Variants in CCDC88B observed in about 807,000 individuals in gnomAD.
The protein encoded by CCDC88B is coiled-coil domain-containing protein 88B.
A neutral mutation model predicts 183.7 loss-of-function variants in CCDC88B; 138 were observed. The ratio of observed to expected loss-of-function variants is 0.75; its 90% confidence interval spans 0.65 to 0.87. The LOEUF (loss-of-function observed/expected upper bound fraction) is 0.87, where lower values mean the gene tolerates loss of function less well. Among genes scored for constraint, CCDC88B ranks in the 40% least tolerant of loss-of-function variants. CCDC88B has a pLI of 0.00. For synonymous variants in CCDC88B, 835 were observed against 867.5 expected, an observed-to-expected ratio of 0.96 and a Z score of 0.66; for missense variants, 1,822 against 1,965.6, an observed-to-expected ratio of 0.93 and a Z score of 1.38.
chr11:64,355,235 C>T lies in CCDC88B; in HGVS notation c.4141C>T (p.Leu1381Phe). ...ACCCATGCGCCGGGCCCAGAGCTCC[C>T]TCTGCCTGCGGGATGAGACCTTGGC... ...PAPMRRAQSS[L>F]CLRDETLAGG... The change falls in exon 25 of 27, where the codon CTC (leucine) becomes TTC (phenylalanine). Residue 1381 changes from leucine to phenylalanine, a missense_variant. By Grantham distance (22) the Leu-to-Phe change is conservative. Transcript: ENST00000356786. 1 of 1,527,452 alleles carries T rather than the reference C, an allele frequency of 6.5e-7. No homozygotes were observed. The highest frequency in any genetic ancestry group is 1.3e-5 in the South Asian group (1 of 76,226). 94.6% of individuals were successfully genotyped at this position (1,527,452 alleles called of 1,614,324 possible).
At position 64,355,372 on chromosome 11, in the gene CCDC88B, C is replaced by T. The variant is rs755866778; in HGVS notation, c.4278C>T (p.Pro1426=). 1 of 1,591,140 alleles carries T rather than the reference C, an allele frequency of 6.3e-7. No homozygotes were observed. Among genetic ancestry groups the T allele is most frequent in the Non-Finnish European group, 8.6e-7 (1 of 1,169,230 alleles). ...GATTCCGACAGCGCCATCCAGGCCC[C>T]CTGGGGGCGCCCGTCTCCCACAGCA... The part of the protein sequence containing the change: ...RQRFRQRHPG[P]LGAPVSHSKG... Residue 1426 remains proline, a synonymous_variant, in exon 25 of 27, where the codon CCC becomes CCT. Transcript: ENST00000356786.
intron 14 of CCDC88B, among the ~76,000 whole-genome samples, chr11:64,345,375 C>T (rs1466698362): frequency 6.6e-6 from 1 of 152,136 alleles, no homozygotes; most frequent in Non-Finnish European, 1.5e-5. Flanking sequence ...GGGGGTGGGA[C>T]TGCCTAGTAC....
Position 64,357,047 on chromosome 11 carries a change from G to C in CCDC88B, c.4384G>C (p.Val1462Leu), listed in dbSNP as rs766686824. 3.1e-6 allele frequency: 5 copies of C among 1,596,294 alleles called. No individual in the cohort carries two copies. The highest frequency in any genetic ancestry group is 1.1e-5 in the South Asian group (1 of 88,914). Residue 1462 changes from valine (V) to leucine (L), a missense_variant, in exon 27 of 27, where the codon GTA becomes CTA. By Grantham distance (32) the Val-to-Leu change is conservative. Coordinates refer to ENST00000356786, the MANE Select transcript of CCDC88B (RefSeq NM_032251.6). Reference sequence around the variant, plus strand: ...TGAGCCTTTCCCTCTAGGCCCTGAGGTACAGGAACCGGAGAAACGTCCCCT... The same window carrying C: ...TGAGCCTTTCCCTCTAGGCCCTGAGCTACAGGAACCGGAGAAACGTCCCCT... Reference protein sequence around the residue: ...ETDANREGPEVQEPEKRPLTP... With the variant: ...ETDANREGPELQEPEKRPLTP...
At chr11:64,353,907 C>G in intron 23 of CCDC88B, 94 bp downstream of exon 23, 4 of 1,579,304 alleles carry the variant, frequency 2.5e-6, no homozygotes, top group Non-Finnish European at 3.5e-6. Flanking sequence ...AGGTCCAGGC[C>G]CCATGAAGGT....
Position 64,353,627 on chromosome 11 carries a change from C to G in CCDC88B, c.3834-88C>G, listed in dbSNP as rs1004245903. ...GGTCAGTCCAATCTGCGGCACGGGA[C>G]CAGTGCGTCCTCGCTGCAGCTTGTG... On this transcript the variant is annotated intron_variant, in intron 22 of 26. Transcript: ENST00000356786. The G allele has an allele frequency of 3.2e-6, 5 of 1,579,780 alleles. No homozygotes were observed. The African/African-American group carries it at 5.4e-5, about 17-fold the overall frequency.
At position 64,341,003 on chromosome 11, in the gene CCDC88B, G is replaced by A. The variant is rs757974296; in HGVS notation, c.303G>A (p.Leu101=). 1.2e-6 allele frequency: 2 copies of A among 1,610,270 alleles called. No homozygotes were observed. Among genetic ancestry groups the A allele is most frequent in the South Asian group, 2.2e-5 (2 of 90,640 alleles). The change falls in exon 3 of 27, where the codon CTG becomes CTA. Residue 101 remains leucine (L), a synonymous_variant. Coordinates refer to ENST00000356786, the MANE Select transcript of CCDC88B (RefSeq NM_032251.6). ...ACCTGAACCACCTGTGGGGCCGACT[G>A]AGGGACTTCTACCAGGTAAGGGGTC... ...VWNLNHLWGR[L]RDFYQEELQL...
At chr11:64,343,648 G>C (rs763109851) in intron 12 of CCDC88B, 33 bp downstream of exon 12, 1 of 1,548,734 alleles carries the variant, frequency 6.5e-7, no homozygotes, top group Non-Finnish European at 8.7e-7. Context: ...CTGGGGTGGG[G>C]GCTTCCTATG....
rs982440467 is a variant in CCDC88B, at chr11:64,351,551, C to G, written c.3034C>G (p.Gln1012Glu). The change falls in exon 18 of 27, where the codon CAG becomes GAG. Residue 1012 changes from glutamine to glutamate, a missense_variant. Transcript: ENST00000356786. ...QHLEGQLGSL[Q>E]GRAQELLLQS... Reference sequence around the variant, plus strand: ...CCTGGAGGGGCAGCTGGGGAGCCTGCAGGGCCGTGCCCAGGAGCTGCTGCT... The same window carrying G: ...CCTGGAGGGGCAGCTGGGGAGCCTGGAGGGCCGTGCCCAGGAGCTGCTGCT... The G allele has an allele frequency of 1.3e-6, 2 of 1,567,902 alleles. No individual in the cohort carries two copies. The highest frequency in any genetic ancestry group is 1.8e-5 in the Admixed American group (1 of 55,552).
rs1439840242 is a variant in CCDC88B, at chr11:64,344,285, C to A, written c.1744C>A (p.Pro582Thr). The A allele has an allele frequency of 6.2e-7, 1 of 1,613,766 alleles. No individual in the cohort carries two copies. The highest frequency in any genetic ancestry group is 1.3e-5 in the African/African-American group (1 of 75,054). Residue 582 changes from proline to threonine, a missense_variant, in exon 14 of 27, where the codon CCT becomes ACT. Transcript: ENST00000356786. This position sits in a 1 kb window ranked among gnomAD's most constrained non-coding sequence, Gnocchi z 4.5. ...CTGGTCCCCGCAAGAGTCAGGCTCT[C>A]CTGTGGAGACACAGGAGTCCCCGGA... Reference protein sequence around the residue: ...SDWSPQESGSPVETQESPEKA... With the variant: ...SDWSPQESGSTVETQESPEKA...
intron 24 of CCDC88B, among the ~76,000 whole-genome samples, chr11:64,354,389 G>A (rs979761219): frequency 6.6e-6 from 1 of 152,046 alleles, no homozygotes; most frequent in East Asian, 1.9e-4. Context: ...CCCCGACCCA[G>A]CCTGCCCCAT....
In CCDC88B at chr11:64,352,859, C is replaced by T. The variant is rs776621970; in HGVS notation, c.3472C>T (p.Leu1158=). 15 of 1,607,048 alleles carry T rather than the reference C, an allele frequency of 9.3e-6. 1 individual carries two copies. The highest frequency in any genetic ancestry group is 4.4e-5 in the South Asian group (4 of 90,368). The stretch of plus-strand genomic sequence containing the variant: ...TCGGCAGCGGGGCCTGGAGGAGGAG[C>T]TGCGGAGGCTTCAGAGCGAGCACGA... ...GHRQRGLEEE[L]RRLQSEHDRA... Residue 1158 remains leucine (L), a synonymous_variant, in exon 20 of 27, where the codon CTG becomes TTG. Transcript: ENST00000356786.
In CCDC88B at chr11:64,349,587, G is replaced by A. The variant is rs921679917; in HGVS notation, c.2781G>A (p.Leu927=). The A allele has an allele frequency of 5.6e-6, 9 of 1,600,818 alleles. No individual in the cohort carries two copies. In the East Asian group the frequency reaches 9.0e-5, roughly 16 times the overall value. Reference sequence around the variant, plus strand: ...TGGAGCAGCGGCTGGAAGCTGAGCTGCAGGCGGCGGCGACCAGCAAGGAGG... The same window carrying A: ...TGGAGCAGCGGCTGGAAGCTGAGCTACAGGCGGCGGCGACCAGCAAGGAGG... ...QGLEQRLEAE[L]QAAATSKEEA... The change falls in exon 16 of 27, where the codon CTG becomes CTA. Residue 927 remains leucine (L), a synonymous_variant. Transcript: ENST00000356786.
Position 64,340,308 on chromosome 11 carries a change from T to G in CCDC88B, c.42T>G (p.Ser14Arg). ...GKGPRLRDFL[S>R]GSLATWALGL... ...GGCCCAGGCTCAGAGACTTCCTGAG[T>G]GGGAGTCTGGCTACCTGGGTGAGGG... Residue 14 changes from serine (S) to arginine (R), a missense_variant, in exon 1 of 27, where the codon AGT becomes AGG. By Grantham distance (110) the Ser-to-Arg change is moderately radical. Transcript: ENST00000356786. 3 of 1,280,298 alleles carry G rather than the reference T, an allele frequency of 2.3e-6. No homozygotes were observed. Among genetic ancestry groups the G allele is most frequent in the Non-Finnish European group, 3.0e-6 (3 of 1,005,132 alleles). 79.3% of individuals were successfully genotyped at this position (1,280,298 alleles called of 1,614,324 possible).
At chr11:64,351,430 G>T in intron 17 of CCDC88B, 46 bp from the exon 18 acceptor site, 1 of 1,555,928 alleles carries the variant, frequency 6.4e-7, no homozygotes, top group East Asian at 2.4e-5. Context: ...AGGCACTAGG[G>T]GGTGCCCCCG....
intron 2 of CCDC88B, 45 bp downstream of exon 2, chr11:64,340,797 G>A (rs775604940): frequency 1.8e-5 from 29 of 1,568,112 alleles, no homozygotes; most frequent in Non-Finnish European, 2.3e-5. Context: ...GGATCTGAGA[G>A]GAGGGGAAGC....
chr11:64,353,990 C>T lies in CCDC88B; in HGVS notation c.3933-14C>T, dbSNP rs2036443342. ...TCCCTGTCCTGACCCCCTCTTGTGC[C>T]CTCTTGCCCCCAGGAAGGGCAGCTG... On this transcript the variant is annotated splice_polypyrimidine_tract_variant and intron_variant, in intron 23 of 26. Coordinates refer to ENST00000356786, the MANE Select transcript of CCDC88B (RefSeq NM_032251.6). 3 of 1,492,312 alleles carry T rather than the reference C, an allele frequency of 2.0e-6. No homozygotes were observed. The highest frequency in any genetic ancestry group is 2.7e-6 in the Non-Finnish European group (3 of 1,116,998). The allele number at this position is 1,492,312 out of a possible 1,614,324, so 92.4% of individuals were successfully genotyped here.
rs1414399019 is a variant in CCDC88B at position 64,353,499 on chromosome 11, G to A, written c.3833+3G>A. On this transcript the variant is annotated splice_donor_region_variant and intron_variant, in intron 22 of 26. Transcript: ENST00000356786. ...CACCGCGAACAGCGGGAGTACCTGT[G>A]AGTGGGCCGCCTGGGAGCGGGGTGG... 6.2e-7 allele frequency: 1 copy of A among 1,610,532 alleles called. No individual in the cohort carries two copies. Among genetic ancestry groups the A allele is most frequent in the Admixed American group, 1.7e-5 (1 of 59,894 alleles).
chr11:64,351,304 G>A (rs778812653), intron 17 of CCDC88B, 49 bp downstream of exon 17: 31 of 1,502,410 alleles, frequency 2.1e-5, no homozygotes, highest in Middle Eastern at 4.4e-4. Flanking sequence ...CGTGCAGTGT[G>A]AGTGTGGGTC....
intron 15 of CCDC88B, 35 bp downstream of exon 15, chr11:64,349,493 C>T: frequency 8.2e-7 from 1 of 1,222,256 alleles, no homozygotes. Flanking sequence ...ATGAGGGAGG[C>T]AGGGGTGTGG....
Sources: allele counts gnomAD v4.1 joint callset (sites outside exome capture counted in the v4.1 genomes callset), GRCh38; gene constraint gnomAD v4.1.1; non-coding constraint Gnocchi (gnomAD v3.1); transcripts MANE v1.5; gene names NCBI Gene and HGNC (gene_info 2026-07-23, HGNC 2026-07-21).